The following STXBP6 variants were observed in gnomAD, a reference collection of about 807,000 sequenced individuals.
STXBP6 encodes syntaxin binding protein 6, also known as syntaxin-binding protein 6.
A neutral mutation model predicts 26.9 loss-of-function variants in STXBP6; 21 were observed. The observed-to-expected ratio is 0.78, with a 90% CI of 0.55 to 1.12. The LOEUF is 1.12. STXBP6 is among the 50% of genes most tolerant of loss of function. The probability of loss-of-function intolerance (pLI) is 0.00; values close to 1 mark genes in which losing one functional copy is unlikely to be tolerated. For synonymous variants in STXBP6, 97 were observed against 92.6 expected, an observed-to-expected ratio of 1.05 and a Z score of -0.27; for missense variants, 232 against 257.9, an observed-to-expected ratio of 0.90 and a Z score of 0.69.
chr14:24,929,879 G>C (rs930381383), intron 2 of STXBP6, among the ~76,000 whole-genome samples: 4 of 152,140 alleles, frequency 2.6e-5, no homozygotes, highest in African/African-American at 7.2e-5. Flanking sequence ...CTGGCAGAAG[G>C]GGTAGCAGTA....
At chr14:24,980,793 AT>A (rs1209124878) in intron 1 of STXBP6, among the ~76,000 whole-genome samples, 6 of 152,188 alleles carry the variant, frequency 3.9e-5, no homozygotes, top group Non-Finnish European at 1.5e-5. Context: ...AACATGAAAA[AT>A]AATGGGGATA....
chr14:24,833,287 A>C (rs1044278151), intron 4 of STXBP6, among the ~76,000 whole-genome samples: 21 of 152,130 alleles, frequency 1.4e-4, no homozygotes, highest in African/African-American at 5.1e-4. Flanking sequence ...CTCTTGTAGG[A>C]ATCTGGTTCT....
In STXBP6 at chr14:24,819,466, T is replaced by C. The variant is rs530265710; in HGVS notation, c.452-272A>G. Reference sequence around the variant, plus strand: ...ATGCCAGTCATTTCCATTCTGCCAGTATTCTATCTGTGGAGGCTCAAAAGG... The same window carrying C: ...ATGCCAGTCATTTCCATTCTGCCAGCATTCTATCTGTGGAGGCTCAAAAGG... On this transcript the variant is annotated intron_variant, in intron 4 of 5. Coordinates refer to ENST00000323944, the MANE Select transcript of STXBP6 (RefSeq NM_001394410.1). 1.2e-5 allele frequency: 7 copies of C among 582,906 alleles called. No homozygotes were observed. In the South Asian group the frequency reaches 1.5e-4, roughly 13 times the overall value. 36.1% of individuals were successfully genotyped at this position (582,906 alleles called of 1,614,324 possible).
At chr14:24,843,719 A>G (rs1017662492) in intron 4 of STXBP6, among the ~76,000 whole-genome samples, 2 of 152,178 alleles carry the variant, frequency 1.3e-5, no homozygotes. Context: ...CTGTGTATTG[A>G]AAGCCTTTAT....
Position 24,875,016 on chromosome 14 carries a change from A to G in STXBP6, c.155-17859T>C, listed in dbSNP as rs74037677. ...TAGAAACTAAGCAATCCCTTCTGCA[A>G]AGGAAGCTGCTCTACATGGAGAATG... On this transcript the variant is annotated intron_variant, in intron 2 of 5. Transcript: ENST00000323944. Among the ~76,000 whole-genome samples the G allele has an allele frequency of 9.9e-3, 1,504 of 152,340 alleles. 21 individuals are homozygous for G. Among genetic ancestry groups the G allele is most frequent in the African/African-American group, 0.033 (1,380 of 41,576 alleles).
At chr14:25,042,603 AGAG>A (rs2075661529) in intron 1 of STXBP6, among the ~76,000 whole-genome samples, 2 of 152,232 alleles carry the variant, frequency 1.3e-5, no homozygotes, top group Non-Finnish European at 2.9e-5. Context: ...CGTTAATGGT[AGAG>A]CTATGTTTCA....
At chr14:24,820,995 C>T (rs941790611) in intron 4 of STXBP6, among the ~76,000 whole-genome samples, 9 of 152,194 alleles carry the variant, frequency 5.9e-5, no homozygotes, top group African/African-American at 2.2e-4. Flanking sequence ...CCGTTTCTGT[C>T]CTCAAGGTAC....
In STXBP6 at chr14:24,898,650, C is replaced by G. The variant is rs538328876; in HGVS notation, c.155-41493G>C. On this transcript the variant is annotated intron_variant, in intron 2 of 5. Coordinates refer to ENST00000323944, the MANE Select transcript of STXBP6 (RefSeq NM_001394410.1). ...CGAGATTGCACCACTGCACTCCAGA[C>G]TGGGCAATAGAGGGATACTCCATCT... is the stretch of plus-strand genomic sequence containing the variant. Among the ~76,000 whole-genome samples the G allele has an allele frequency of 2.8e-4, 43 of 152,174 alleles. No individual in the cohort carries two copies. The South Asian group carries it at 8.9e-3, about 32-fold the overall frequency.
At chr14:24,894,919 T>C (rs1169788220) in intron 2 of STXBP6, among the ~76,000 whole-genome samples, 1 of 152,058 alleles carries the variant, frequency 6.6e-6, no homozygotes, top group African/African-American at 2.4e-5. Flanking sequence ...CTCAGGAAAA[T>C]TTCTCTAGCT....
intron 2 of STXBP6, among the ~76,000 whole-genome samples, chr14:24,902,908 T>A (rs1230983505): frequency 6.6e-6 from 1 of 152,150 alleles, no homozygotes; most frequent in Admixed American, 6.6e-5. Context: ...AATCTCTATA[T>A]ACAACAGGTG....
intron 2 of STXBP6, among the ~76,000 whole-genome samples, chr14:24,872,258 T>C (rs553414993): frequency 2.6e-5 from 4 of 152,028 alleles, no homozygotes; most frequent in Non-Finnish European, 5.9e-5. Context: ...AAATAAAATA[T>C]AAAAAAAGGA....
chr14:25,003,936 A>G (rs547957622), intron 1 of STXBP6, among the ~76,000 whole-genome samples: 7 of 152,220 alleles, frequency 4.6e-5, no homozygotes, highest in Non-Finnish European at 7.3e-5. Flanking sequence ...AATTTAAGTA[A>G]CTCATTCATT....
intron 1 of STXBP6, among the ~76,000 whole-genome samples, chr14:25,011,882 G>A (rs2075040137): frequency 6.6e-6 from 1 of 152,142 alleles, no homozygotes; most frequent in Non-Finnish European, 1.5e-5. Flanking sequence ...GCTCTTCTCT[G>A]GATGACTGAG....
chr14:24,965,999 A>C (rs995863152), intron 2 of STXBP6, among the ~76,000 whole-genome samples: 2 of 152,212 alleles, frequency 1.3e-5, no homozygotes, highest in African/African-American at 2.4e-5. Flanking sequence ...CTTAGTTTGC[A>C]ATCTCCCTAA....
chr14:24,919,174 C>A (rs925397414), intron 2 of STXBP6, among the ~76,000 whole-genome samples: 1 of 151,970 alleles, frequency 6.6e-6, no homozygotes, highest in Admixed American at 6.6e-5. Context: ...GGTACTATGT[C>A]GAGTTTAGCA....
intron 2 of STXBP6, among the ~76,000 whole-genome samples, chr14:24,950,359 A>G (rs1468740713): frequency 6.6e-6 from 1 of 152,182 alleles, no homozygotes; most frequent in African/African-American, 2.4e-5. Flanking sequence ...ATGTAATTAT[A>G]TTTACCAAAA....
intron 4 of STXBP6, among the ~76,000 whole-genome samples, chr14:24,845,049 T>C (rs2068911097): frequency 6.6e-6 from 1 of 151,646 alleles, no homozygotes; most frequent in Non-Finnish European, 1.5e-5. Context: ...TCTCACTCTG[T>C]CGCCCAGGCT....
At chr14:25,009,989 G>A (rs574135950) in intron 1 of STXBP6, among the ~76,000 whole-genome samples, 15 of 152,244 alleles carry the variant, frequency 9.9e-5, no homozygotes, top group African/African-American at 2.9e-4. Context: ...TAACAACAGT[G>A]GCTCACTGAG....
intron 2 of STXBP6, among the ~76,000 whole-genome samples, chr14:24,862,434 C>T (rs1208768952): frequency 2.0e-5 from 3 of 152,118 alleles, no homozygotes; most frequent in Non-Finnish European, 2.9e-5. Context: ...TTAAACAGTC[C>T]CTGCTCCATT....
Sources: gnomAD v4.1 joint callset for allele counts (sites outside exome capture counted in the v4.1 genomes callset) on GRCh38, gnomAD v4.1.1 for gene constraint, MANE v1.5 for transcripts, NCBI Gene and HGNC (gene_info 2026-07-23, HGNC 2026-07-21) for gene names.